SORCS3: variants seen among roughly 807,000 people sequenced by gnomAD.
SORCS3 encodes the protein VPS10 domain-containing receptor SorCS3.
A neutral mutation model predicts 146.3 loss-of-function variants in SORCS3; 57 were observed. The ratio of observed to expected loss-of-function variants is 0.39; its 90% CI spans 0.31 to 0.49. SORCS3 has a LOEUF of 0.49. Ranked by LOEUF, SORCS3 falls within the 20% of genes least tolerant of loss-of-function variation. SORCS3 has a pLI of 0.92. For missense variants in SORCS3, 1,341 were observed against 1,575.5 expected, an observed-to-expected ratio of 0.85 and a Z score of 2.52; for synonymous variants, 653 against 618.5, an observed-to-expected ratio of 1.06 and a Z score of -0.83.
rs2015420905 is a variant in SORCS3 at position 104,641,766 on chromosome 10, G to C, written c.439G>C (p.Ala147Pro). The C allele has an allele frequency of 1.9e-6, 3 of 1,547,092 alleles. No individual in the cohort carries two copies. Among genetic ancestry groups the C allele is most frequent in the Non-Finnish European group, 2.6e-6 (3 of 1,146,246 alleles). ...CACCCAGGAACGCGGGGACGCCTGG[G>C]CCACTGCTCCGGCCGATGGTTCCAG... ...PITQERGDAW[A>P]TAPADGSRGS... Residue 147 changes from alanine (A) to proline (P), a missense_variant, in exon 1 of 27, where the codon GCC becomes CCC. Transcript: ENST00000369701. The surrounding 1 kb of genome is among the most constrained non-coding windows in gnomAD (Gnocchi z 6.4).
intron 4 of SORCS3, among the ~76,000 whole-genome samples, chr10:105,006,729 G>C (rs1414607600): frequency 1.3e-5 from 2 of 152,148 alleles, no homozygotes; most frequent in African/African-American, 2.4e-5. Context: ...TTTGGGATAT[G>C]ATTATCCACT....
At chr10:105,132,240 A>G (rs1436018323) in intron 7 of SORCS3, among the ~76,000 whole-genome samples, 1 of 152,196 alleles carries the variant, frequency 6.6e-6, no homozygotes, top group Non-Finnish European at 1.5e-5. Flanking sequence ...AATGGTTGGC[A>G]TATAATAAAT....
intron 2 of SORCS3, among the ~76,000 whole-genome samples, chr10:104,866,582 C>T (rs1389137936): frequency 6.6e-6 from 1 of 152,174 alleles, no homozygotes; most frequent in Non-Finnish European, 1.5e-5. Flanking sequence ...ATTATGTAAC[C>T]TCTTTCATCC....
At chr10:105,257,183 T>A (rs1295283743) in intron 25 of SORCS3, among the ~76,000 whole-genome samples, 2 of 152,298 alleles carry the variant, frequency 1.3e-5, no homozygotes, top group East Asian at 3.9e-4. Flanking sequence ...ATTTATTATC[T>A]TCAAGAGAAG....
intron 1 of SORCS3, among the ~76,000 whole-genome samples, chr10:104,791,416 C>G (rs78166240): frequency 6.6e-6 from 1 of 152,138 alleles, no homozygotes; most frequent in Non-Finnish European, 1.5e-5. Flanking sequence ...AGGAAGCTGT[C>G]GGGTTCAGCC....
At chr10:104,887,557 G>T (rs938564188) in intron 2 of SORCS3, among the ~76,000 whole-genome samples, 7 of 152,178 alleles carry the variant, frequency 4.6e-5, no homozygotes, top group African/African-American at 1.2e-4. Context: ...GCAGCTTCTA[G>T]ACAAGAGTCC....
chr10:105,108,549 G>A (rs1169857628), intron 7 of SORCS3, among the ~76,000 whole-genome samples: 1 of 152,138 alleles, frequency 6.6e-6, no homozygotes, highest in Non-Finnish European at 1.5e-5. Context: ...AATGAGATGA[G>A]CAGAAACCTG....
chr10:105,260,354 G>T lies in SORCS3; in HGVS notation c.3444-1977G>T, dbSNP rs73352836. Among the ~76,000 whole-genome samples, 1,186 of 152,230 alleles carry T rather than the reference G, an allele frequency of 7.8e-3. 9 individuals carry two copies. The highest frequency in any genetic ancestry group is 0.027 in the African/African-American group (1,132 of 41,538). ...ATGAGCAATATGTACTTTTATGATTGGGAGGAATCTCAGTTATTAGACTGT... is the reference window on the plus strand; with the variant it reads ...ATGAGCAATATGTACTTTTATGATTTGGAGGAATCTCAGTTATTAGACTGT... On this transcript the variant is annotated intron_variant, in intron 25 of 26. Coordinates refer to ENST00000369701, the MANE Select transcript of SORCS3 (RefSeq NM_014978.3).
chr10:105,194,961 T>C (rs2056536019), intron 14 of SORCS3, among the ~76,000 whole-genome samples: 1 of 152,192 alleles, frequency 6.6e-6, no homozygotes, highest in Non-Finnish European at 1.5e-5. Context: ...ATGTAGACAT[T>C]GGAGAACCTC....
intron 1 of SORCS3, among the ~76,000 whole-genome samples, chr10:104,730,832 T>C (rs2133452761): frequency 6.6e-6 from 1 of 152,308 alleles, no homozygotes; most frequent in South Asian, 2.1e-4. Flanking sequence ...CACTCACTAT[T>C]GCCAGAACAG....
intron 11 of SORCS3, 25 bp from the exon 12 acceptor site, chr10:105,164,278 C>T (rs999481343): frequency 1.3e-6 from 2 of 1,591,774 alleles, no homozygotes; most frequent in Non-Finnish European, 1.7e-6. Flanking sequence ...TCCTGACAAT[C>T]TCAAATGATC....
chr10:105,192,346 C>G (rs2056521536), intron 14 of SORCS3, among the ~76,000 whole-genome samples: 1 of 151,960 alleles, frequency 6.6e-6, no homozygotes, highest in Non-Finnish European at 1.5e-5. Context: ...TGGGGTAAGC[C>G]ATCCCAAGCA....
intron 4 of SORCS3, among the ~76,000 whole-genome samples, chr10:104,979,041 A>T (rs907890557): frequency 6.6e-5 from 10 of 152,216 alleles, no homozygotes. Flanking sequence ...TCTCAGATCC[A>T]GCATCACTTC....
At chr10:104,720,728 G>A (rs867547281) in intron 1 of SORCS3, among the ~76,000 whole-genome samples, 21 of 152,212 alleles carry the variant, frequency 1.4e-4, no homozygotes, top group Admixed American at 6.5e-4. Context: ...GATGGCCAGT[G>A]ATGATGAGCA....
In SORCS3 at chr10:104,852,762, C is replaced by T. The variant is rs148705200; in HGVS notation, c.695+9903C>T. Among the ~76,000 whole-genome samples the T allele has an allele frequency of 2.4e-3, 372 of 152,300 alleles. 1 individual carries two copies. Among genetic ancestry groups the T allele is most frequent in the African/African-American group, 8.5e-3 (352 of 41,570 alleles). On this transcript the variant is annotated intron_variant, in intron 2 of 26. Transcript: ENST00000369701. The stretch of plus-strand genomic sequence containing the variant: ...TCATGCAGAAATCCATAGTTGCTCC[C>T]TCCTCTTTATAATGACGACCATAAA...
chr10:105,216,598 A>G (rs1265641074), intron 18 of SORCS3, among the ~76,000 whole-genome samples: 5 of 152,194 alleles, frequency 3.3e-5, no homozygotes, highest in Non-Finnish European at 5.9e-5. Context: ...AATTATTATT[A>G]TGACACAAAA....
intron 9 of SORCS3, among the ~76,000 whole-genome samples, chr10:105,148,800 C>A (rs909840597): frequency 1.3e-5 from 2 of 152,044 alleles, no homozygotes; most frequent in Non-Finnish European, 2.9e-5. Flanking sequence ...AAAATCCCAG[C>A]AGCCCTAAAT....
At chr10:104,859,169 C>A (rs954520203) in intron 2 of SORCS3, among the ~76,000 whole-genome samples, 10 of 152,060 alleles carry the variant, frequency 6.6e-5, no homozygotes, top group African/African-American at 2.4e-4. Context: ...CTCTGGAAAT[C>A]ATGCATCTCC....
intron 7 of SORCS3, among the ~76,000 whole-genome samples, chr10:105,108,915 C>T (rs1485977877): frequency 6.6e-6 from 1 of 152,060 alleles, no homozygotes; most frequent in Non-Finnish European, 1.5e-5. Context: ...TGAGTTTGGC[C>T]ATTTGCATTG....
Sources: gnomAD v4.1 joint callset for allele counts (sites outside exome capture counted in the v4.1 genomes callset) on GRCh38, gnomAD v4.1.1 for gene constraint, Gnocchi (gnomAD v3.1) non-coding constraint, MANE v1.5 for transcripts, NCBI Gene and HGNC (gene_info 2026-07-23, HGNC 2026-07-21) for gene names.